DDX3X: variants seen among roughly 807,000 people sequenced by gnomAD.
DDX3X encodes the protein DEAD-box helicase 3 X-linked.
DDX3X carries 4 observed loss-of-function variants against 52.7 expected under a neutral mutation model. The observed-to-expected ratio is 0.08, with a 90% confidence interval of 0.04 to 0.17. The LOEUF (loss-of-function observed/expected upper bound fraction) is 0.17, where lower values mean the gene tolerates loss of function less well. DDX3X is among the 10% of genes least tolerant of loss of function. The pLI is 1.00. For synonymous variants in DDX3X, 192 were observed against 178.1 expected (o/e 1.08, Z -0.62); for missense variants, 222 against 548.6 (o/e 0.40, Z 5.95).
chrX:41,360,055 C>A (rs2064023436), intron 5 of DDX3X, among the ~76,000 whole-genome samples: 2 of 109,395 alleles, frequency 1.8e-5, no homozygotes, highest in South Asian at 7.8e-4. Flanking sequence ...TCACTCCAGC[C>A]ATATGTGTGC....
rs191423090 is a variant in DDX3X at position 41,342,669 on chromosome X, G to T, written c.443+16G>T. On this transcript the variant is annotated intron_variant, in intron 5 of 16. Transcript: ENST00000644876. ...GCTTGGAACAGTAAGTTTTTGAAGT[G>T]TATGTTACTTGTGATGAAGCCTTAC... 17 of 1,209,510 alleles carry T rather than the reference G, an allele frequency of 1.4e-5. No individual in the cohort carries two copies. Among genetic ancestry groups the T allele is most frequent in the African/African-American group, 1.4e-4 (8 of 57,204 alleles).
intron 5 of DDX3X, chrX:41,358,063 CTCTT>C: frequency 1.8e-5 from 2 of 108,694 alleles, no homozygotes; most frequent in Non-Finnish European, 1.7e-5. Flanking sequence ...GAGATAGACA[CTCTT>C]TTTTTTTTTT....
chrX:41,357,728 G>A (rs1423268722), intron 5 of DDX3X: 1 of 284,550 alleles, frequency 3.5e-6, no homozygotes, highest in Non-Finnish European at 6.2e-6. Context: ...GAGCCACTGC[G>A]TGCAGCCTAA....
chrX:41,362,449 C>G (rs1476261740), intron 5 of DDX3X, among the ~76,000 whole-genome samples: 1 of 111,234 alleles, frequency 9.0e-6, no homozygotes, highest in East Asian at 2.8e-4. Context: ...CCTGGTCTCC[C>G]TGTCTCCATC....
chrX:41,350,789 C>G (rs1195490715), downstream of DDX3X: 1 of 111,718 alleles, frequency 9.0e-6, no homozygotes, highest in African/African-American at 3.3e-5. Flanking sequence ...GACATCTATG[C>G]TTACTGTACA....
At chrX:41,361,524 TA>T (rs1312192221) in intron 5 of DDX3X, among the ~76,000 whole-genome samples, 11 of 109,669 alleles carry the variant, frequency 1.0e-4, no homozygotes. Context: ...AAAATAAAAA[TA>T]AAAAAAAGTC....
At chrX:41,343,433 A>G in intron 7 of DDX3X, 82 bp downstream of exon 7, 4 of 960,281 alleles carry the variant, frequency 4.2e-6, no homozygotes, top group South Asian at 2.7e-5. Flanking sequence ...TTTATGGGTC[A>G]TGCAGTTTTG....
chrX:41,346,713 A>G (rs2063930272), intron 14 of DDX3X, 91 bp downstream of exon 14: 2 of 949,765 alleles, frequency 2.1e-6, no homozygotes, highest in East Asian at 3.1e-5. Flanking sequence ...ATTTTTAACA[A>G]TGAAAGTGAC....
intron 3 of DDX3X, chrX:41,341,028 CGTGCTGGA>C (rs1015217836): frequency 3.2e-5 from 7 of 221,367 alleles, no homozygotes; most frequent in African/African-American, 1.7e-4. Flanking sequence ...TCTTGTTTCC[CGTGCTGGA>C]GTGCAGTGGC....
At chrX:41,351,099 C>G (rs1282898666), downstream of DDX3X, 3 of 111,137 alleles carry the variant, frequency 2.7e-5, no homozygotes, top group Non-Finnish European at 5.7e-5. Flanking sequence ...TCAAAATAAG[C>G]ATGGAAAGGT....
intron 14 of DDX3X, 117 bp from the exon 15 acceptor site, chrX:41,346,742 A>T (rs1234455144): frequency 2.4e-5 from 23 of 954,253 alleles, no homozygotes; most frequent in Non-Finnish European, 3.3e-5. Flanking sequence ...TGCTCAAAGC[A>T]CTTGTTTAAA....
In DDX3X at chrX:41,363,737, C is replaced by G. The variant is rs188751325; in HGVS notation, c.655-537C>G. Among the ~76,000 whole-genome samples, 4 of 111,253 alleles carry G rather than the reference C, an allele frequency of 3.6e-5. No homozygotes were observed. In the East Asian group the frequency reaches 1.1e-3, roughly 31 times the overall value. On this transcript the variant is annotated intron_variant, in intron 5 of 5. Coordinates refer to the DDX3X transcript ENST00000616050. ...GGCAAAGGTTGCAGTGAGCCGAGAT[C>G]GCACCATTGCACTCCAGCCTGGGCA... is the stretch of plus-strand genomic sequence containing the variant.
Position 41,347,928 on chromosome X carries a change from C to G in DDX3X, c.*209C>G. 2 of 381,001 alleles carry G rather than the reference C, an allele frequency of 5.2e-6. No individual in the cohort carries two copies. Among genetic ancestry groups the G allele is most frequent in the Non-Finnish European group, 9.0e-6 (2 of 222,145 alleles). 31.4% of individuals were successfully genotyped at this position (381,001 alleles called of 1,213,427 possible). ...CCCTGTTCAGAAGGTGGTTTGAAGA[C>G]TTCATTGCTGTAGTTTGGATTAACT... On this transcript the variant is annotated 3_prime_UTR_variant, in exon 17 of 17. Transcript: ENST00000644876.
rs778595978 is a variant in DDX3X, at chrX:41,346,225, A to G, written c.1316-4A>G. ...GACAAAAACCTATAATTTTTCAACG[A>G]CAGGCAAGGATTCACTGACCTTAGT... On this transcript the variant is annotated splice_region_variant and splice_polypyrimidine_tract_variant and intron_variant, in intron 12 of 16. Coordinates refer to ENST00000644876, the MANE Select transcript of DDX3X (RefSeq NM_001356.5). The G allele has an allele frequency of 8.4e-6, 10 of 1,196,596 alleles. No individual in the cohort carries two copies. Among genetic ancestry groups the G allele is most frequent in the African/African-American group, 1.8e-5 (1 of 56,444 alleles).
chrX:41,341,130 C>T (rs781389313), intron 3 of DDX3X: 138 of 159,570 alleles, frequency 8.6e-4, no homozygotes, highest in Admixed American at 2.2e-3. Flanking sequence ...GGATTACAGA[C>T]GTGGGCCACC....
chrX:41,345,788 C>T (rs2063915553), intron 12 of DDX3X: 1 of 336,503 alleles, frequency 3.0e-6, no homozygotes, highest in Admixed American at 5.4e-5. Flanking sequence ...GCATAGTACA[C>T]TACAGCCCAG....
At chrX:41,340,578 C>T (rs888400765) in intron 3 of DDX3X, 2 of 254,209 alleles carry the variant, frequency 7.9e-6, no homozygotes, top group Non-Finnish European at 1.4e-5. Context: ...TATAGCTGTA[C>T]CCAGGAACCT....
rs770503392 is a variant in DDX3X, at chrX:41,348,754, C to T, written c.*1035C>T. 1 of 112,169 alleles carries T rather than the reference C, an allele frequency of 8.9e-6. No individual in the cohort carries two copies. The highest frequency in any genetic ancestry group is 1.9e-5 in the Non-Finnish European group (1 of 53,195). 9.2% of individuals were successfully genotyped at this position (112,169 alleles called of 1,213,427 possible). A position where few individuals can be genotyped will look rare whatever the true frequency, so the allele number is the denominator to read the frequency against. On this transcript the variant is annotated 3_prime_UTR_variant, in exon 17 of 17. Transcript: ENST00000644876. ...TATGAACAGGAAGAATTAAATGCAG[C>T]AGGCTTTATTTTAAATGCCGATTCA...
At chrX:41,342,422 A>T (rs1355431158) in intron 4 of DDX3X, 73 bp from the exon 5 acceptor site, 23 of 1,097,680 alleles carry the variant, frequency 2.1e-5, no homozygotes, top group Non-Finnish European at 2.9e-5. Flanking sequence ...CTCCAGATAC[A>T]GTTCTAGAGT....
Sources: allele counts gnomAD v4.1 joint callset (sites outside exome capture counted in the v4.1 genomes callset), GRCh38; gene constraint gnomAD v4.1.1; transcripts MANE v1.5; gene names NCBI Gene and HGNC (gene_info 2026-07-23, HGNC 2026-07-21).